NEGR1: variants seen among roughly 807,000 people sequenced by gnomAD.
The protein encoded by NEGR1 is neuronal growth regulator 1.
In NEGR1, 10 loss-of-function variants were observed where a neutral mutation model predicts 40.9. The observed-to-expected ratio is 0.24, with a 90% CI of 0.15 to 0.42. The LOEUF is 0.42. Ranked by LOEUF, NEGR1 falls within the 10% of genes least tolerant of loss-of-function variation. NEGR1 has a pLI of 1.00. For missense variants in NEGR1, 352 were observed against 438.9 expected, an observed-to-expected ratio of 0.80 and a Z score of 1.77; for synonymous variants, 185 against 166.8, an observed-to-expected ratio of 1.11 and a Z score of -0.84.
intron 2 of NEGR1, among the ~76,000 whole-genome samples, chr1:71,860,554 T>A (rs1340684970): frequency 2.0e-5 from 3 of 151,876 alleles, no homozygotes; most frequent in Non-Finnish European, 4.4e-5. Context: ...GTTTGAAAAA[T>A]CATTATATTA....
intron 1 of NEGR1, among the ~76,000 whole-genome samples, chr1:72,261,246 C>A (rs893808114): frequency 1.3e-5 from 2 of 151,982 alleles, no homozygotes; most frequent in African/African-American, 4.8e-5. Flanking sequence ...CATTTATTGT[C>A]ACTTAAGTTC....
At chr1:72,016,223 AT>A (rs1646709305) in intron 1 of NEGR1, among the ~76,000 whole-genome samples, 2 of 152,178 alleles carry the variant, frequency 1.3e-5, no homozygotes, top group South Asian at 2.1e-4. Flanking sequence ...TGTTAAAAAA[AT>A]ATAAGTGTAA....
chr1:72,145,798 C>T (rs917246971), intron 1 of NEGR1, among the ~76,000 whole-genome samples: 4 of 152,032 alleles, frequency 2.6e-5, no homozygotes, highest in African/African-American at 9.7e-5. Context: ...AGCAATACTA[C>T]TAACATGTCA....
intron 4 of NEGR1, among the ~76,000 whole-genome samples, chr1:71,677,306 C>T (rs963605803): frequency 6.6e-6 from 1 of 152,114 alleles, no homozygotes; most frequent in Non-Finnish European, 1.5e-5. Flanking sequence ...ACCACCCAGA[C>T]AGCATTATCT....
chr1:71,577,901 G>A (rs1254711164), intron 6 of NEGR1, among the ~76,000 whole-genome samples: 2 of 152,102 alleles, frequency 1.3e-5, no homozygotes, highest in East Asian at 3.9e-4. Flanking sequence ...CAGAATACTT[G>A]CTTGGAGCTA....
At chr1:71,928,851 A>T (rs1033702938) in intron 2 of NEGR1, among the ~76,000 whole-genome samples, 1 of 152,098 alleles carries the variant, frequency 6.6e-6, no homozygotes, top group African/African-American at 2.4e-5. Flanking sequence ...CCCTGTGATC[A>T]GTAGTCAGGT....
chr1:72,103,782 G>A (rs1649030623), intron 1 of NEGR1, among the ~76,000 whole-genome samples: 1 of 151,916 alleles, frequency 6.6e-6, no homozygotes, highest in African/African-American at 2.4e-5. Flanking sequence ...TCCATCCCTA[G>A]TAGGGAAGTG....
At chr1:71,853,124 A>G (rs1226864979) in intron 2 of NEGR1, among the ~76,000 whole-genome samples, 3 of 152,092 alleles carry the variant, frequency 2.0e-5, no homozygotes, top group Non-Finnish European at 4.4e-5. Flanking sequence ...GGATTGGAAT[A>G]TTATATTCTT....
At chr1:71,849,226 C>G (rs1224555029) in intron 2 of NEGR1, among the ~76,000 whole-genome samples, 1 of 152,154 alleles carries the variant, frequency 6.6e-6, no homozygotes, top group Non-Finnish European at 1.5e-5. Flanking sequence ...TAAGGGCATT[C>G]ATGATTCATG....
chr1:71,486,019 T>C (rs1016433214), intron 6 of NEGR1, among the ~76,000 whole-genome samples: 3 of 151,648 alleles, frequency 2.0e-5, no homozygotes, highest in African/African-American at 7.3e-5. Context: ...TCTTCCAAAG[T>C]GGCTGTACAA....
At position 71,402,231 on chromosome 1, in the gene NEGR1, T is replaced by C. The variant is rs1400955844; in HGVS notation, c.*5215A>G. ...CGTTTTCACCATCAATACATGACAA[T>C]AGTAATATTTTCTCCTTTAAGTATT... On this transcript the variant is annotated 3_prime_UTR_variant, in exon 7 of 7. Coordinates refer to ENST00000357731, the MANE Select transcript of NEGR1 (RefSeq NM_173808.3). 1 of 152,118 alleles carries C rather than the reference T, an allele frequency of 6.6e-6. No homozygotes were observed. The highest frequency in any genetic ancestry group is 1.5e-5 in the Non-Finnish European group (1 of 68,022). The allele number at this position is 152,118 out of a possible 1,614,324, so 9.4% of individuals were successfully genotyped here. A position where few individuals can be genotyped will look rare whatever the true frequency, so the allele number is the denominator to read the frequency against.
At chr1:71,861,535 T>C (rs577590706) in intron 2 of NEGR1, among the ~76,000 whole-genome samples, 9 of 152,178 alleles carry the variant, frequency 5.9e-5, no homozygotes, top group African/African-American at 2.2e-4. Flanking sequence ...TCATGCAGCT[T>C]CTTCAACACC....
chr1:71,967,811 T>C (rs1456560843), intron 1 of NEGR1, among the ~76,000 whole-genome samples: 1 of 152,218 alleles, frequency 6.6e-6, no homozygotes, highest in African/African-American at 2.4e-5. Flanking sequence ...TGCTACATTA[T>C]ATTGTTTTCT....
At chr1:71,721,753 G>T (rs915253742) in intron 3 of NEGR1, among the ~76,000 whole-genome samples, 1 of 152,112 alleles carries the variant, frequency 6.6e-6, no homozygotes, top group East Asian at 1.9e-4. Context: ...ATGGAGAAAC[G>T]TTGAAGTAAA....
intron 1 of NEGR1, among the ~76,000 whole-genome samples, chr1:72,188,022 A>T (rs1049938311): frequency 9.2e-5 from 14 of 151,462 alleles, no homozygotes; most frequent in Admixed American, 4.6e-4. Flanking sequence ...ACTCTCACCC[A>T]TATTCAAATC....
chr1:72,072,754 G>A lies in NEGR1; in HGVS notation c.177-137443C>T, dbSNP rs531891187. Among the ~76,000 whole-genome samples the A allele has an allele frequency of 1.7e-3, 263 of 152,022 alleles. 1 individual carries two copies. In the Middle Eastern group the frequency reaches 0.048, roughly 28 times the overall value. On this transcript the variant is annotated intron_variant, in intron 1 of 6. Coordinates refer to ENST00000357731, the MANE Select transcript of NEGR1 (RefSeq NM_173808.3). ...TGATTCTCAGCACTCCCTGTCCTTCGGTTTATAGAAAGAGAACTCCCTTTG... is the reference window on the plus strand; with the variant it reads ...TGATTCTCAGCACTCCCTGTCCTTCAGTTTATAGAAAGAGAACTCCCTTTG...
chr1:71,744,251 G>A (rs1054992930), intron 3 of NEGR1, among the ~76,000 whole-genome samples: 5 of 145,980 alleles, frequency 3.4e-5, no homozygotes, highest in African/African-American at 1.3e-4. Flanking sequence ...CTTTGTAAAG[G>A]AAGGGTGATA....
chr1:71,735,319 G>T (rs1655010454), intron 3 of NEGR1, among the ~76,000 whole-genome samples: 1 of 151,988 alleles, frequency 6.6e-6, no homozygotes, highest in Non-Finnish European at 1.5e-5. Flanking sequence ...CTTATTTATG[G>T]TTATTTTTAC....
At chr1:71,737,836 T>C (rs1655087778) in intron 3 of NEGR1, among the ~76,000 whole-genome samples, 1 of 152,188 alleles carries the variant, frequency 6.6e-6, no homozygotes, top group Admixed American at 6.5e-5. Context: ...TCTCCACAGG[T>C]AATGCCCCCT....
Sources: allele counts gnomAD v4.1 joint callset (sites outside exome capture counted in the v4.1 genomes callset), GRCh38; gene constraint gnomAD v4.1.1; transcripts MANE v1.5; gene names NCBI Gene and HGNC (gene_info 2026-07-23, HGNC 2026-07-21).